The following STAR variants were observed in gnomAD, a reference collection of about 807,000 sequenced individuals.
STAR encodes steroidogenic acute regulatory protein, also known as steroidogenic acute regulatory protein, mitochondrial.
In STAR, 32 loss-of-function variants were observed where a neutral mutation model predicts 32.3. The observed-to-expected ratio is 0.99, with a 90% CI of 0.75 to 1.33. The LOEUF is 1.33. Among genes scored for constraint, STAR ranks in the 40% most tolerant of loss-of-function variants. STAR has a pLI of 0.00. For synonymous variants in STAR, 134 were observed against 140.5 expected (o/e 0.95, Z 0.33); for missense variants, 375 against 379.0 (o/e 0.99, Z 0.09).
rs755962129 is a variant in STAR, at chr8:38,148,284, G to A, written c.222C>T (p.Ala74=). ...EETLYSDQEL[A]YLQQGEEAMQ... ...TGGCCTCCTCCCCCTGCTGGAGATAGGCCAGCTCCTGGTCACTGTAGAGAG... is the reference window on the plus strand; with the variant it reads ...TGGCCTCCTCCCCCTGCTGGAGATAAGCCAGCTCCTGGTCACTGTAGAGAG... Residue 74 remains alanine, a synonymous_variant, in exon 3 of 7, where the codon GCC becomes GCT. Transcript: ENST00000276449. The A allele has an allele frequency of 5.6e-6, 9 of 1,614,088 alleles. No individual in the cohort carries two copies. Among genetic ancestry groups the A allele is most frequent in the Non-Finnish European group, 7.6e-6 (9 of 1,180,016 alleles).
Position 38,148,745 on chromosome 8 carries a change from T to A in STAR, c.74A>T (p.Gln25Leu), listed in dbSNP as rs1470865393. ...CTGGCTGATGGCCATCACAGCCTGT[T>A]GCCTCAGCCCTGCAGAAGGGAATAA... Reference protein sequence around the residue: ...RHMRNMKGLRQQAVMAISQEL... With the variant: ...RHMRNMKGLRLQAVMAISQEL... Residue 25 changes from glutamine (Q) to leucine (L), a missense_variant, in exon 2 of 7, where the codon CAA (glutamine) becomes CTA (leucine). By Grantham distance (113) the Gln-to-Leu change is moderately radical (BLOSUM62 -2). Coordinates refer to ENST00000276449, the MANE Select transcript of STAR (RefSeq NM_000349.3). The A allele has an allele frequency of 1.9e-6, 3 of 1,613,654 alleles. No individual in the cohort carries two copies. Among genetic ancestry groups the A allele is most frequent in the Non-Finnish European group, 2.5e-6 (3 of 1,179,982 alleles).
At chr8:38,150,362 G>A (rs1239954209) in intron 1 of STAR, among the ~76,000 whole-genome samples, 1 of 151,044 alleles carries the variant, frequency 6.6e-6, no homozygotes, top group Non-Finnish European at 1.5e-5. Context: ...TTGTTCTACT[G>A]TACTCCAGCC....
chr8:38,150,691 T>G, intron 1 of STAR, 64 bp downstream of exon 1: 1 of 1,601,018 alleles, frequency 6.2e-7, no homozygotes. Flanking sequence ...CAGAATTGGG[T>G]GGCCTGAGCC....
chr8:38,150,078 G>A (rs1389063087), intron 1 of STAR, among the ~76,000 whole-genome samples: 1 of 152,090 alleles, frequency 6.6e-6, no homozygotes, highest in Admixed American at 6.6e-5. Context: ...AACAGAGTGA[G>A]ACTCCATCTC....
chr8:38,146,171 A>G (rs1285784147), intron 4 of STAR, 24 bp from the exon 5 acceptor site: 1 of 1,613,802 alleles, frequency 6.2e-7, no homozygotes, highest in African/African-American at 1.3e-5. Flanking sequence ...GGGAACCAGA[A>G]TCACGACTCA....
At chr8:38,148,484 T>C (rs1802614198) in intron 2 of STAR, 157 bp from the exon 3 acceptor site, 4 of 1,384,102 alleles carry the variant, frequency 2.9e-6, no homozygotes, top group Non-Finnish European at 4.0e-6. Context: ...CCGCCCCAGG[T>C]GACCAGAGAG....
rs555295129 is a variant in STAR, at chr8:38,150,713, G to A, written c.64+42C>T. 6.9e-5 allele frequency: 111 copies of A among 1,603,628 alleles called. 1 individual carries two copies. The South Asian group carries it at 1.2e-3, about 17-fold the overall frequency. On this transcript the variant is annotated intron_variant, in intron 1 of 6. Transcript: ENST00000276449. ...GGGTGGCCTGAGCCTCATCCGCTGA[G>A]AGCTGGCCAACCCCTCATCGCCTCC...
chr8:38,144,459 A>G (rs1802527365), intron 6 of STAR, 73 bp from the exon 7 acceptor site: 2 of 1,543,450 alleles, frequency 1.3e-6, no homozygotes, highest in African/African-American at 1.4e-5. Context: ...CCCTATCACA[A>G]ACAGGCTGCC....
rs1386715655 is a variant in STAR, at chr8:38,148,733, A to G, written c.86T>C (p.Met29Thr). 2 of 1,613,888 alleles carry G rather than the reference A, an allele frequency of 1.2e-6. No individual in the cohort carries two copies. Among genetic ancestry groups the G allele is most frequent in the Non-Finnish European group, 1.7e-6 (2 of 1,180,034 alleles). The change falls in exon 2 of 7, where the codon ATG becomes ACG. Residue 29 changes from methionine (M) to threonine (T), a missense_variant. Met to Thr is a moderately conservative substitution (Grantham distance 81). Coordinates refer to ENST00000276449, the MANE Select transcript of STAR (RefSeq NM_000349.3). ...NMKGLRQQAV[M>T]AISQELNRRA... ...CCGGTTCAGCTCCTGGCTGATGGCCATCACAGCCTGTTGCCTCAGCCCTGC... is the reference window on the plus strand; with the variant it reads ...CCGGTTCAGCTCCTGGCTGATGGCCGTCACAGCCTGTTGCCTCAGCCCTGC...
intron 6 of STAR, 79 bp from the exon 7 acceptor site, chr8:38,144,465 C>T: frequency 6.5e-7 from 1 of 1,541,330 alleles, no homozygotes; most frequent in South Asian, 1.2e-5. Flanking sequence ...CACAAACAGG[C>T]TGCCAGGGGC....
At chr8:38,145,432 A>G in intron 5 of STAR, 117 bp from the exon 6 acceptor site, 1 of 1,400,540 alleles carries the variant, frequency 7.1e-7, no homozygotes, top group Non-Finnish European at 9.9e-7. Context: ...TCTGAGTCTC[A>G]TCAGGGAAGT....
chr8:38,149,150 A>C (rs774974616), intron 1 of STAR: 1 of 266,498 alleles, frequency 3.8e-6, no homozygotes, highest in Non-Finnish European at 7.4e-6. Context: ...CTGTGCTTGC[A>C]TGAGGTCTGT....
At position 38,143,957 on chromosome 8, in the gene STAR, G is replaced by C. The variant is rs2130610565; in HGVS notation, c.*316C>G. 2.8e-6 allele frequency: 1 copy of C among 362,786 alleles called. No individual in the cohort carries two copies. 22.5% of individuals were successfully genotyped at this position (362,786 alleles called of 1,614,324 possible). Reference sequence around the variant, plus strand: ...TCCCCCACACCCATATCAGCCACTAGCATTTTAAAGATGGTTTTAGGTGGG... The same window carrying C: ...TCCCCCACACCCATATCAGCCACTACCATTTTAAAGATGGTTTTAGGTGGG... On this transcript the variant is annotated 3_prime_UTR_variant, in exon 7 of 7. Coordinates refer to ENST00000276449, the MANE Select transcript of STAR (RefSeq NM_000349.3).
chr8:38,148,112 A>G (rs1055580348), intron 3 of STAR, 88 bp downstream of exon 3: 1 of 1,581,240 alleles, frequency 6.3e-7, no homozygotes, highest in Non-Finnish European at 8.6e-7. Context: ...TGCATGAGAC[A>G]GGAATTCTGG....
rs1802511938 is a variant in STAR at position 38,143,868 on chromosome 8, G to A, written c.*405C>T. The A allele has an allele frequency of 6.0e-6, 2 of 333,272 alleles. No individual in the cohort carries two copies. Among genetic ancestry groups the A allele is most frequent in the South Asian group, 4.8e-5 (2 of 41,308 alleles). The allele number at this position is 333,272 out of a possible 1,614,324, so 20.6% of individuals were successfully genotyped here. A position where few individuals can be genotyped will look rare whatever the true frequency, so the allele number is the denominator to read the frequency against. Reference sequence around the variant, plus strand: ...CTCTGAGATTCTGCTTTGTGCACATGTACTGCCAGCGCATGGCATTCTTGA... The same window carrying A: ...CTCTGAGATTCTGCTTTGTGCACATATACTGCCAGCGCATGGCATTCTTGA... On this transcript the variant is annotated 3_prime_UTR_variant, in exon 7 of 7. Coordinates refer to ENST00000276449, the MANE Select transcript of STAR (RefSeq NM_000349.3).
In STAR at chr8:38,144,289, G is replaced by A. The variant is rs745326697; in HGVS notation, c.842C>T (p.Ser281Phe). Residue 281 changes from serine to phenylalanine, a missense_variant, in exon 7 of 7, where the codon TCT becomes TTT. Transcript: ENST00000276449. ...GGCTGGTCTTCAACACCTGGCTTCA[G>A]AGGCAGGGTGGGACTCCAGGCGCTT... Reference protein sequence around the residue: ...LRKRLESHPASEARC With the variant: ...LRKRLESHPAFEARC 6.2e-7 allele frequency: 1 copy of A among 1,609,890 alleles called. No homozygotes were observed. The highest frequency in any genetic ancestry group is 1.1e-5 in the South Asian group (1 of 90,074).
At chr8:38,147,352 C>T (rs1480331065) in intron 3 of STAR, among the ~76,000 whole-genome samples, 1 of 152,122 alleles carries the variant, frequency 6.6e-6, no homozygotes, top group Non-Finnish European at 1.5e-5. Flanking sequence ...ACTTCAGAAG[C>T]TCAAAGATCC....
chr8:38,144,295 G>A lies in STAR; in HGVS notation c.836C>T (p.Pro279Leu). Residue 279 changes from proline to leucine, a missense_variant, in exon 7 of 7, where the codon CCT becomes CTT. Coordinates refer to ENST00000276449, the MANE Select transcript of STAR (RefSeq NM_000349.3). The stretch of plus-strand genomic sequence containing the variant: ...TCTTCAACACCTGGCTTCAGAGGCA[G>A]GGTGGGACTCCAGGCGCTTGCGCAG... ...NHLRKRLESH[P>L]ASEARC The A allele has an allele frequency of 6.2e-7, 1 of 1,610,250 alleles. No individual in the cohort carries two copies. Among genetic ancestry groups the A allele is most frequent in the Non-Finnish European group, 8.5e-7 (1 of 1,178,390 alleles).
At chr8:38,145,041 C>A in intron 6 of STAR, 181 bp downstream of exon 6, 1 of 1,431,314 alleles carries the variant, frequency 7.0e-7, no homozygotes, top group Middle Eastern at 2.6e-4. Context: ...AAGAGGGGGC[C>A]ATCACAGGCT....
Sources: gnomAD v4.1 joint callset for allele counts (sites outside exome capture counted in the v4.1 genomes callset) on GRCh38, gnomAD v4.1.1 for gene constraint, MANE v1.5 for transcripts, NCBI Gene and HGNC (gene_info 2026-07-23, HGNC 2026-07-21) for gene names.